UNC5C: variants seen among roughly 807,000 people sequenced by gnomAD.
The protein encoded by UNC5C is unc-5 netrin receptor C.
Under a neutral mutation model 99.8 loss-of-function variants are expected in UNC5C, and 47 were observed. The ratio of observed to expected loss-of-function variants is 0.47; its 90% CI spans 0.37 to 0.60. UNC5C has a LOEUF of 0.60. Ranked by LOEUF, UNC5C falls within the 20% of genes least tolerant of loss-of-function variation. The probability of loss-of-function intolerance (pLI) is 0.00; values close to 1 mark genes in which losing one functional copy is unlikely to be tolerated. For missense variants in UNC5C, 1,062 were observed against 1,165.9 expected, an observed-to-expected ratio of 0.91 and a Z score of 1.30; for synonymous variants, 487 against 452.2, an observed-to-expected ratio of 1.08 and a Z score of -0.98.
intron 1 of UNC5C, among the ~76,000 whole-genome samples, chr4:95,529,375 A>AT (rs1722581442): frequency 6.8e-6 from 1 of 147,600 alleles, no homozygotes; most frequent in Non-Finnish European, 1.5e-5. Flanking sequence ...ATACATAAAA[A>AT]ATATATATAT....
chr4:95,258,970 C>G (rs1740118194), intron 4 of UNC5C, among the ~76,000 whole-genome samples: 1 of 150,764 alleles, frequency 6.6e-6, no homozygotes, highest in Non-Finnish European at 1.5e-5. Flanking sequence ...ACCTTGTTAG[C>G]CAGGATGGTC....
intron 11 of UNC5C, among the ~76,000 whole-genome samples, chr4:95,203,914 G>A (rs559185178): frequency 2.6e-5 from 4 of 152,128 alleles, no homozygotes; most frequent in African/African-American, 9.6e-5. Context: ...TCTGATGACT[G>A]ATGGCTGAGC....
At chr4:95,284,247 A>T (rs1446951297) in intron 3 of UNC5C, among the ~76,000 whole-genome samples, 1 of 152,124 alleles carries the variant, frequency 6.6e-6, no homozygotes, top group African/African-American at 2.4e-5. Flanking sequence ...AGAAAAGAAG[A>T]CTCACTGGGA....
chr4:95,286,866 T>C (rs1560770400), intron 3 of UNC5C, among the ~76,000 whole-genome samples: 1 of 152,306 alleles, frequency 6.6e-6, no homozygotes, highest in East Asian at 1.9e-4. Flanking sequence ...TGGAGTTTTA[T>C]GAGATTTTTT....
chr4:95,511,898 T>G (rs1053756708), intron 1 of UNC5C, among the ~76,000 whole-genome samples: 5 of 152,182 alleles, frequency 3.3e-5, no homozygotes, highest in Non-Finnish European at 5.9e-5. Flanking sequence ...ATTCTGGGTA[T>G]TGTCTGGAAG....
At chr4:95,325,502 G>T (rs1742850943) in intron 2 of UNC5C, among the ~76,000 whole-genome samples, 1 of 152,024 alleles carries the variant, frequency 6.6e-6, no homozygotes, top group African/African-American at 2.4e-5. Flanking sequence ...ATGAAGCTGA[G>T]ATTTTAATTT....
chr4:95,212,586 T>A (rs1335188286), intron 10 of UNC5C, among the ~76,000 whole-genome samples: 1 of 152,168 alleles, frequency 6.6e-6, no homozygotes, highest in Non-Finnish European at 1.5e-5. Context: ...TTCTTAAAGT[T>A]CTTTCCCCAG....
intron 1 of UNC5C, among the ~76,000 whole-genome samples, chr4:95,341,254 G>A (rs780141026): frequency 1.9e-4 from 29 of 152,228 alleles, no homozygotes; most frequent in African/African-American, 4.6e-4. Flanking sequence ...AAGGCAGCTG[G>A]AATTACTTAT....
intron 1 of UNC5C, among the ~76,000 whole-genome samples, chr4:95,397,361 T>C (rs1184350919): frequency 6.6e-6 from 1 of 152,216 alleles, no homozygotes. Flanking sequence ...GATGTGATAA[T>C]TCACATTTGA....
At chr4:95,278,618 G>A (rs1740947161) in intron 3 of UNC5C, among the ~76,000 whole-genome samples, 1 of 151,924 alleles carries the variant, frequency 6.6e-6, no homozygotes, top group African/African-American at 2.4e-5. Context: ...GGGACTACAG[G>A]TGCATGCTAG....
chr4:95,187,005 C>T (rs7439784), intron 12 of UNC5C, among the ~76,000 whole-genome samples: 5 of 152,030 alleles, frequency 3.3e-5, no homozygotes, highest in African/African-American at 7.2e-5. Context: ...CCCCACTCCA[C>T]GACAAGAATA....
chr4:95,306,891 T>C (rs1339532340), intron 2 of UNC5C, among the ~76,000 whole-genome samples: 2 of 152,188 alleles, frequency 1.3e-5, no homozygotes, highest in South Asian at 2.1e-4. Flanking sequence ...CTGGAATATA[T>C]TACAAAGTTT....
At chr4:95,205,961 A>C (rs1021417461) in intron 11 of UNC5C, among the ~76,000 whole-genome samples, 1 of 151,884 alleles carries the variant, frequency 6.6e-6, no homozygotes, top group African/African-American at 2.4e-5. Flanking sequence ...ATCCAGTTGC[A>C]ATGTTTCTGA....
At chr4:95,227,492 T>C (rs1014610773) in intron 7 of UNC5C, among the ~76,000 whole-genome samples, 1 of 152,194 alleles carries the variant, frequency 6.6e-6, no homozygotes, top group South Asian at 2.1e-4. Flanking sequence ...TTTTAAAGCA[T>C]AGATTTTCCT....
chr4:95,500,664 C>T (rs1330588873), intron 1 of UNC5C, among the ~76,000 whole-genome samples: 1 of 152,102 alleles, frequency 6.6e-6, no homozygotes, highest in Admixed American at 6.6e-5. Context: ...TATTAGTCTA[C>T]TAGGAACATG....
chr4:95,312,773 C>T (rs910402931), intron 2 of UNC5C, among the ~76,000 whole-genome samples: 7 of 152,082 alleles, frequency 4.6e-5, no homozygotes, highest in Non-Finnish European at 1.0e-4. Flanking sequence ...TCAGAATGCC[C>T]ATCCATATAT....
chr4:95,373,806 C>G (rs975934202), intron 1 of UNC5C, among the ~76,000 whole-genome samples: 4 of 152,160 alleles, frequency 2.6e-5, no homozygotes, highest in African/African-American at 9.7e-5. Context: ...TAATGTCCCT[C>G]TGATGTTGAA....
At position 95,202,866 on chromosome 4, in the gene UNC5C, G is replaced by A. The variant is rs528680277; in HGVS notation, c.2001C>T (p.Tyr667=). ...CHILTENLST[Y]ALVGHSTTKA... ...TGGTGGTGGAATGTCCTACCAGGGC[G>A]TAGGTGCTGAGGTTCTCTGTGAGGA... Residue 667 remains tyrosine (Y), a synonymous_variant, in exon 12 of 16, where the codon TAC becomes TAT. Coordinates refer to ENST00000453304, the MANE Select transcript of UNC5C (RefSeq NM_003728.4). The A allele has an allele frequency of 1.9e-5, 31 of 1,614,254 alleles. No individual in the cohort carries two copies. Among genetic ancestry groups the A allele is most frequent in the South Asian group, 5.5e-5 (5 of 91,090 alleles).
At chr4:95,488,478 T>C (rs17024057) in intron 1 of UNC5C, among the ~76,000 whole-genome samples, 4,171 of 151,896 alleles carry the variant, frequency 0.027, 184 homozygotes, top group African/African-American at 0.088. Flanking sequence ...AGTACTTCCA[T>C]AGCTTCTGAG....
Sources: gnomAD v4.1 joint callset for allele counts (sites outside exome capture counted in the v4.1 genomes callset) on GRCh38, gnomAD v4.1.1 for gene constraint, MANE v1.5 for transcripts, NCBI Gene and HGNC (gene_info 2026-07-23, HGNC 2026-07-21) for gene names.